Variants in GNA12 observed in about 807,000 individuals in gnomAD.
The protein encoded by GNA12 is G protein subunit alpha 12, also known as guanine nucleotide-binding protein subunit alpha-12.
A neutral mutation model predicts 26.0 loss-of-function variants in GNA12; 9 were observed. The ratio of observed to expected loss-of-function variants is 0.35; its 90% CI spans 0.21 to 0.60. The LOEUF (loss-of-function observed/expected upper bound fraction) is 0.60, where lower values mean the gene tolerates loss of function less well. GNA12 is among the 20% of genes least tolerant of loss of function. The probability of loss-of-function intolerance (pLI) is 0.78; values close to 1 mark genes in which losing one functional copy is unlikely to be tolerated. For synonymous variants in GNA12, 264 were observed against 219.6 expected (o/e 1.20, Z -1.79); for missense variants, 405 against 525.8 (o/e 0.77, Z 2.25).
At chr7:2,768,687 CAA>C (rs58917196) in intron 2 of GNA12, among the ~76,000 whole-genome samples, 2 of 125,170 alleles carry the variant, frequency 1.6e-5, no homozygotes, top group African/African-American at 6.3e-5. Context: ...CAAAACAAAA[CAA>C]AAAAAAAAAC....
intron 2 of GNA12, chr7:2,762,480 T>C: frequency 2.9e-6 from 2 of 697,108 alleles, no homozygotes; most frequent in Non-Finnish European, 2.2e-6. Flanking sequence ...CCCACCCGTG[T>C]GCGGGGCCTG....
chr7:2,774,964 T>A lies in GNA12; in HGVS notation c.525+19964A>T, dbSNP rs972598610. Among the ~76,000 whole-genome samples the A allele has an allele frequency of 2.0e-5, 3 of 152,196 alleles. No individual in the cohort carries two copies. The East Asian group carries it at 5.8e-4, about 29-fold the overall frequency. ...TCTCAAAAGAGTATGAATTGCACAA[T>A]TTAATTTACCGACATCCCTTCCCAA... is the stretch of plus-strand genomic sequence containing the variant. On this transcript the variant is annotated intron_variant, in intron 2 of 3. Coordinates refer to ENST00000275364, the MANE Select transcript of GNA12 (RefSeq NM_007353.3).
chr7:2,732,657 G>A (rs564813841), intron 3 of GNA12, among the ~76,000 whole-genome samples: 139 of 152,284 alleles, frequency 9.1e-4, no homozygotes, highest in African/African-American at 3.2e-3. Context: ...ACATGATCAT[G>A]CCTCGATCTA....
chr7:2,758,459 C>T (rs910207164), intron 2 of GNA12, among the ~76,000 whole-genome samples: 6 of 152,138 alleles, frequency 3.9e-5, no homozygotes, highest in African/African-American at 1.2e-4. Flanking sequence ...CTAAGACGAG[C>T]CTCAATGACA....
intron 2 of GNA12, among the ~76,000 whole-genome samples, chr7:2,779,826 G>A (rs1438048971): frequency 1.3e-5 from 2 of 151,756 alleles, no homozygotes; most frequent in African/African-American, 2.4e-5. Context: ...TCAAACTCCT[G>A]GCCTCATGTG....
At position 2,843,836 on chromosome 7, in the gene GNA12, C is replaced by T. The variant is rs1562454998; in HGVS notation, c.309+17G>A. Reference sequence around the variant, plus strand: ...GGCCCACCTGGGTGCAGGTGCTGGGCGGGGGGCGCGCGTCACCTTGAGGAT... The same window carrying T: ...GGCCCACCTGGGTGCAGGTGCTGGGTGGGGGGCGCGCGTCACCTTGAGGAT... On this transcript the variant is annotated intron_variant, in intron 1 of 3. Transcript: ENST00000275364. The T allele has an allele frequency of 2.1e-6, 3 of 1,407,718 alleles. No individual in the cohort carries two copies. The highest frequency in any genetic ancestry group is 2.9e-5 in the South Asian group (2 of 69,344). The allele number at this position is 1,407,718 out of a possible 1,614,324, so 87.2% of individuals were successfully genotyped here.
chr7:2,806,451 C>CT (rs1251945257), intron 1 of GNA12, among the ~76,000 whole-genome samples: 1 of 105,038 alleles, frequency 9.5e-6, no homozygotes, highest in Non-Finnish European at 1.8e-5. Context: ...GAGCGAGACT[C>CT]TGTCTCAAAA....
At chr7:2,732,514 C>G (rs991105386) in intron 3 of GNA12, among the ~76,000 whole-genome samples, 12 of 152,142 alleles carry the variant, frequency 7.9e-5, no homozygotes, top group Admixed American at 7.9e-4. Flanking sequence ...CCACTGTACT[C>G]CAGCCTGGGT....
intron 2 of GNA12, among the ~76,000 whole-genome samples, chr7:2,777,365 G>A (rs1792103109): frequency 6.6e-6 from 1 of 152,252 alleles, no homozygotes; most frequent in Non-Finnish European, 1.5e-5. Flanking sequence ...TATACCAGAT[G>A]CCTGAAAGGG....
rs562995741 is a variant in GNA12, at chr7:2,780,980, T to G, written c.525+13948A>C. ...GTGTTCCCACCAGCACTGCAGTGTA[T>G]GAGAGTTCCTGTCATCCCACATCCT... On this transcript the variant is annotated intron_variant, in intron 2 of 3. Transcript: ENST00000275364. Among the ~76,000 whole-genome samples the G allele has an allele frequency of 2.0e-5, 3 of 152,370 alleles. No individual in the cohort carries two copies. In the South Asian group the frequency reaches 6.2e-4, roughly 32 times the overall value.
At chr7:2,735,110 C>G (rs1790099319) in intron 2 of GNA12, among the ~76,000 whole-genome samples, 1 of 98,034 alleles carries the variant, frequency 1.0e-5, no homozygotes, top group Admixed American at 1.1e-4. Flanking sequence ...GTTGGGTGCA[C>G]TCACTCCCTG....
In GNA12 at chr7:2,829,180, C is replaced by G. The variant is rs73051453; in HGVS notation, c.309+14673G>C. ...AGACCAGCTATTCGTACAAAAGGCC[C>G]TTTGCTGCTCTTGGCCCTCACAAAC... On this transcript the variant is annotated intron_variant, in intron 1 of 3. Transcript: ENST00000275364. Among the ~76,000 whole-genome samples, 81 of 152,350 alleles carry G rather than the reference C, an allele frequency of 5.3e-4. 1 individual carries two copies. The highest frequency in any genetic ancestry group is 7.6e-4 in the Non-Finnish European group (52 of 68,024).
intron 1 of GNA12, among the ~76,000 whole-genome samples, chr7:2,828,414 C>T (rs1793530853): frequency 6.6e-6 from 1 of 152,174 alleles, no homozygotes; most frequent in South Asian, 2.1e-4. Context: ...AGTGAAGTGG[C>T]ACGATCCTAG....
intron 1 of GNA12, among the ~76,000 whole-genome samples, chr7:2,826,455 T>TG (rs1793488054): frequency 6.6e-6 from 1 of 151,526 alleles, no homozygotes; most frequent in Non-Finnish European, 1.5e-5. Flanking sequence ...TGAAATGAGT[T>TG]GAACACTTAT....
At chr7:2,774,215 AT>A (rs1792018789) in intron 2 of GNA12, among the ~76,000 whole-genome samples, 1 of 152,196 alleles carries the variant, frequency 6.6e-6, no homozygotes, top group Non-Finnish European at 1.5e-5. Context: ...CTGAGTTAAT[AT>A]AGATGCACTT....
In GNA12 at chr7:2,800,108, G is replaced by C. The variant is rs1792772255; in HGVS notation, c.310-4965C>G. Among the ~76,000 whole-genome samples the C allele has an allele frequency of 1.3e-5, 2 of 152,206 alleles. 1 individual carries two copies. Among genetic ancestry groups the C allele is most frequent in the South Asian group, 4.1e-4 (2 of 4,832 alleles). On this transcript the variant is annotated intron_variant, in intron 1 of 3. Coordinates refer to ENST00000275364, the MANE Select transcript of GNA12 (RefSeq NM_007353.3). ...CTCTGTTCATCATAGCCCCAAACTG[G>C]AAGCAAGCTGTGGTGCACCATACCA...
intron 2 of GNA12, among the ~76,000 whole-genome samples, chr7:2,743,932 A>G (rs1790634995): frequency 6.6e-6 from 1 of 152,092 alleles, no homozygotes; most frequent in Non-Finnish European, 1.5e-5. Context: ...CTAGCACAGC[A>G]GTCTGAGATC....
chr7:2,751,326 G>A (rs1791025163), intron 2 of GNA12, among the ~76,000 whole-genome samples: 1 of 151,766 alleles, frequency 6.6e-6, no homozygotes, highest in Non-Finnish European at 1.5e-5. Flanking sequence ...AGAAGGCCGA[G>A]GCTGCAGTGA....
intron 1 of GNA12, among the ~76,000 whole-genome samples, chr7:2,819,566 CT>C (rs761167131): frequency 6.6e-6 from 1 of 152,154 alleles, no homozygotes; most frequent in African/African-American, 2.4e-5. Context: ...AAGAAATTCC[CT>C]AGTCTGCATA....
Sources: allele counts gnomAD v4.1 joint callset (sites outside exome capture counted in the v4.1 genomes callset), GRCh38; gene constraint gnomAD v4.1.1; transcripts MANE v1.5; gene names NCBI Gene and HGNC (gene_info 2026-07-23, HGNC 2026-07-21).